ERBB4: variants seen among roughly 807,000 people sequenced by gnomAD.
ERBB4 encodes receptor tyrosine-protein kinase erbB-4.
Under a neutral mutation model 158.0 loss-of-function variants are expected in ERBB4, and 42 were observed. The observed-to-expected ratio is 0.27, with a 90% CI of 0.21 to 0.34. The LOEUF is 0.34. Ranked by LOEUF, ERBB4 falls within the 10% of genes least tolerant of loss-of-function variation. The pLI is 1.00. For synonymous variants in ERBB4, 583 were observed against 558.7 expected, an observed-to-expected ratio of 1.04 and a Z score of -0.61; for missense variants, 1,333 against 1,624.1, an observed-to-expected ratio of 0.82 and a Z score of 3.08.
intron 3 of ERBB4, among the ~76,000 whole-genome samples, chr2:211,852,735 G>C (rs2077750799): frequency 7.0e-6 from 1 of 142,546 alleles, no homozygotes; most frequent in African/African-American, 2.6e-5. Flanking sequence ...CATTTATTTA[G>C]TTTGTCTAAA....
At chr2:212,124,672 T>C in intron 2 of ERBB4, 80 bp downstream of exon 2, 1 of 1,490,934 alleles carries the variant, frequency 6.7e-7, no homozygotes, top group Non-Finnish European at 9.4e-7. Context: ...CCCTTCCAGG[T>C]ATCAGCACAC....
At chr2:212,024,493 G>A (rs932480982) in intron 2 of ERBB4, among the ~76,000 whole-genome samples, 3 of 151,486 alleles carry the variant, frequency 2.0e-5, no homozygotes, top group Non-Finnish European at 4.4e-5. Flanking sequence ...TTCTAAGACA[G>A]AAACAGGCTC....
intron 2 of ERBB4, among the ~76,000 whole-genome samples, chr2:212,118,508 T>C (rs2079639328): frequency 1.3e-5 from 2 of 152,112 alleles, no homozygotes; most frequent in South Asian, 4.1e-4. Context: ...AGTGGAAAAG[T>C]AATGCAAATT....
At chr2:211,430,793 T>TAC (rs1262952793) in intron 21 of ERBB4, 152 bp downstream of exon 21, 1 of 672,822 alleles carries the variant, frequency 1.5e-6, no homozygotes, top group Non-Finnish European at 2.7e-6. Flanking sequence ...CACATATATA[T>TAC]ATACCCGGGG....
chr2:211,978,396 G>GTCTATCTATCTATCTATCTATCTA (rs151243480), intron 2 of ERBB4, among the ~76,000 whole-genome samples: 7 of 136,560 alleles, frequency 5.1e-5, no homozygotes, highest in East Asian at 2.1e-4. Flanking sequence ...CTGTCTGTCT[G>GTCTATCTATCTATCTATCTATCTA]TCTATCTATC....
chr2:211,876,722 C>T (rs2078512991), intron 3 of ERBB4, among the ~76,000 whole-genome samples: 1 of 152,088 alleles, frequency 6.6e-6, no homozygotes, highest in Non-Finnish European at 1.5e-5. Flanking sequence ...GAATCTTCTG[C>T]AGGCAACGGG....
chr2:211,991,583 G>A (rs1300441333), intron 2 of ERBB4, among the ~76,000 whole-genome samples: 2 of 152,092 alleles, frequency 1.3e-5, no homozygotes, highest in Non-Finnish European at 2.9e-5. Context: ...ATATATACTT[G>A]ATATTTTTTT....
intron 1 of ERBB4, among the ~76,000 whole-genome samples, chr2:212,140,545 A>C (rs1471820693): frequency 2.0e-5 from 3 of 150,198 alleles, no homozygotes; most frequent in Non-Finnish European, 4.4e-5. Flanking sequence ...ATTTTAGGAA[A>C]GGGTAAACAG....
intron 2 of ERBB4, among the ~76,000 whole-genome samples, chr2:212,069,952 TAAAAAAA>T (rs1321084979): frequency 7.2e-6 from 1 of 139,784 alleles, no homozygotes; most frequent in Non-Finnish European, 1.6e-5. Context: ...AACCATGTCT[TAAAAAAA>T]AGAAAAAAGA....
At chr2:212,184,146 T>C (rs905111920) in intron 1 of ERBB4, among the ~76,000 whole-genome samples, 2 of 152,090 alleles carry the variant, frequency 1.3e-5, no homozygotes, top group Non-Finnish European at 2.9e-5. Flanking sequence ...AGAAATGGAC[T>C]GAATCAAGGG....
chr2:211,923,564 T>G (rs191512629), intron 3 of ERBB4, among the ~76,000 whole-genome samples: 1 of 152,082 alleles, frequency 6.6e-6, no homozygotes, highest in Non-Finnish European at 1.5e-5. Context: ...GATTATGCCT[T>G]GTGCTGCCTT....
At chr2:212,359,562 A>G (rs1279553381) in intron 1 of ERBB4, among the ~76,000 whole-genome samples, 1 of 151,784 alleles carries the variant, frequency 6.6e-6, no homozygotes, top group African/African-American at 2.4e-5. Context: ...TATCCCCATC[A>G]GTCTCAGAGA....
At chr2:212,345,319 T>C (rs1323007299) in intron 1 of ERBB4, among the ~76,000 whole-genome samples, 2 of 150,348 alleles carry the variant, frequency 1.3e-5, no homozygotes, top group East Asian at 1.9e-4. Flanking sequence ...TCATCAAATT[T>C]AGCTATTTTG....
chr2:212,424,743 G>A (rs1199838202), intron 1 of ERBB4, among the ~76,000 whole-genome samples: 1 of 151,340 alleles, frequency 6.6e-6, no homozygotes, highest in Non-Finnish European at 1.5e-5. Context: ...GTTTGTTTTT[G>A]GTGTAGAAGG....
In ERBB4 at chr2:211,427,626, TCTAA is replaced by T. The variant is rs1425284466; in HGVS notation, c.2719+778_2719+781del. Among the ~76,000 whole-genome samples the T allele has an allele frequency of 1.3e-5, 2 of 152,218 alleles. 1 individual carries two copies. Among genetic ancestry groups the T allele is most frequent in the Non-Finnish European group, 2.9e-5 (2 of 68,030 alleles). ...TCTTCTCTTTTACCATGTTCATTGC[TCTAA>T]CTTACTGCTGTCAGTAATTTTTCTT... On this transcript the variant is annotated intron_variant, in intron 22 of 27. Transcript: ENST00000342788.
intron 1 of ERBB4, among the ~76,000 whole-genome samples, chr2:212,515,171 A>G (rs1480467753): frequency 6.6e-6 from 1 of 152,238 alleles, no homozygotes; most frequent in Non-Finnish European, 1.5e-5. Flanking sequence ...TTGACTACAC[A>G]GAACACAGAG....
At chr2:211,398,210 G>C (rs13014117) in intron 25 of ERBB4, among the ~76,000 whole-genome samples, 1 of 151,730 alleles carries the variant, frequency 6.6e-6, no homozygotes, top group South Asian at 2.1e-4. Flanking sequence ...ACTCCTTATA[G>C]CTAAGCATCC....
intron 1 of ERBB4, among the ~76,000 whole-genome samples, chr2:212,285,633 C>A (rs1206050188): frequency 1.3e-5 from 2 of 151,940 alleles, no homozygotes; most frequent in African/African-American, 2.4e-5. Context: ...ATGATTATGA[C>A]AAATATATGG....
intron 1 of ERBB4, among the ~76,000 whole-genome samples, chr2:212,226,733 T>C (rs1373183347): frequency 6.6e-6 from 1 of 152,154 alleles, no homozygotes; most frequent in East Asian, 1.9e-4. Context: ...CTTATCAGTC[T>C]TATCATATAA....
Sources: gnomAD v4.1 joint callset for allele counts (sites outside exome capture counted in the v4.1 genomes callset) on GRCh38, gnomAD v4.1.1 for gene constraint, MANE v1.5 for transcripts, NCBI Gene and HGNC (gene_info 2026-07-23, HGNC 2026-07-21) for gene names.